Variants in SLX4IP observed in about 807,000 individuals in gnomAD.
SLX4IP encodes the protein protein SLX4IP.
In SLX4IP, 34 loss-of-function variants were observed where a neutral mutation model predicts 32.9. The observed-to-expected ratio is 1.03, with a 90% CI of 0.79 to 1.38. The LOEUF (loss-of-function observed/expected upper bound fraction) is 1.38, where lower values mean the gene tolerates loss of function less well. Ranked by LOEUF, SLX4IP falls within the 40% of genes most tolerant of loss-of-function variation. SLX4IP has a pLI of 0.00. For synonymous variants in SLX4IP, 172 were observed against 171.7 expected (o/e 1.00, Z -0.01); for missense variants, 444 against 479.0 (o/e 0.93, Z 0.68).
intron 2 of SLX4IP, among the ~76,000 whole-genome samples, chr20:10,555,579 A>G (rs2122495978): frequency 6.6e-6 from 1 of 152,352 alleles, no homozygotes; most frequent in Admixed American, 6.5e-5. Flanking sequence ...GCATATATAT[A>G]GAATATTTCC....
intron 2 of SLX4IP, among the ~76,000 whole-genome samples, chr20:10,550,086 T>C (rs1340238132): frequency 6.6e-6 from 1 of 152,214 alleles, no homozygotes; most frequent in Non-Finnish European, 1.5e-5. Context: ...CCTTCTCATC[T>C]TCTTGACTCT....
At chr20:10,530,219 A>G (rs963462525) in intron 2 of SLX4IP, among the ~76,000 whole-genome samples, 25 of 152,356 alleles carry the variant, frequency 1.6e-4, no homozygotes, top group African/African-American at 6.0e-4. Flanking sequence ...TTTGAAGCAC[A>G]GTAATACACT....
intron 2 of SLX4IP, among the ~76,000 whole-genome samples, chr20:10,488,967 T>C (rs2065597050): frequency 6.6e-6 from 1 of 152,154 alleles, no homozygotes; most frequent in Admixed American, 6.6e-5. Context: ...TCTGCTGGTT[T>C]GGGGTTAGCA....
intron 4 of SLX4IP, among the ~76,000 whole-genome samples, chr20:10,589,602 G>A (rs970796356): frequency 1.3e-5 from 2 of 152,130 alleles, no homozygotes; most frequent in Admixed American, 6.6e-5. Flanking sequence ...GGGATCAGTG[G>A]GGATCTTCTG....
intron 2 of SLX4IP, among the ~76,000 whole-genome samples, chr20:10,483,547 C>T (rs1177973425): frequency 6.6e-6 from 1 of 151,956 alleles, no homozygotes; most frequent in African/African-American, 2.4e-5. Context: ...TGAAGAATTC[C>T]TCATGAATGT....
chr20:10,462,817 A>G (rs1289222827), intron 2 of SLX4IP, among the ~76,000 whole-genome samples: 1 of 152,218 alleles, frequency 6.6e-6, no homozygotes, highest in Non-Finnish European at 1.5e-5. Context: ...TTTCTTCCCC[A>G]TCATGGAGGG....
intron 4 of SLX4IP, among the ~76,000 whole-genome samples, chr20:10,577,927 A>G (rs1372707211): frequency 6.6e-6 from 1 of 152,216 alleles, no homozygotes; most frequent in East Asian, 1.9e-4. Flanking sequence ...TGGAATAATT[A>G]TATATCTCGT....
At chr20:10,450,925 T>G (rs1393128687) in intron 1 of SLX4IP, among the ~76,000 whole-genome samples, 2 of 151,892 alleles carry the variant, frequency 1.3e-5, no homozygotes, top group African/African-American at 2.4e-5. Flanking sequence ...GTAATTTTTT[T>G]GGGTTTTTAG....
intron 2 of SLX4IP, among the ~76,000 whole-genome samples, chr20:10,543,442 G>A (rs1007147781): frequency 6.6e-6 from 1 of 152,182 alleles, no homozygotes; most frequent in Non-Finnish European, 1.5e-5. Context: ...AAGACTAGGA[G>A]CTCTCAGCAT....
intron 6 of SLX4IP, among the ~76,000 whole-genome samples, chr20:10,602,340 C>T (rs539969805): frequency 5.3e-4 from 81 of 152,164 alleles, no homozygotes; most frequent in Non-Finnish European, 9.7e-4. Flanking sequence ...CTGTCTCCTT[C>T]TCTGTCTCCC....
At chr20:10,528,407 G>A (rs1374400298) in intron 2 of SLX4IP, among the ~76,000 whole-genome samples, 1 of 152,094 alleles carries the variant, frequency 6.6e-6, no homozygotes, top group African/African-American at 2.4e-5. Flanking sequence ...ACCTTTCACA[G>A]TCTTTCATCC....
At chr20:10,518,404 T>TTCCTTCCTTCCTTCCTTCC (rs1568719908) in intron 2 of SLX4IP, among the ~76,000 whole-genome samples, 13 of 92,422 alleles carry the variant, frequency 1.4e-4, no homozygotes, top group African/African-American at 5.9e-4. Flanking sequence ...TCTTTCTTTC[T>TTCCTTCCTTCCTTCCTTCC]TTCCTTCCTT....
intron 2 of SLX4IP, among the ~76,000 whole-genome samples, chr20:10,527,891 A>T (rs1388767069): frequency 6.6e-6 from 1 of 152,106 alleles, no homozygotes; most frequent in African/African-American, 2.4e-5. Flanking sequence ...TTTGCATTCC[A>T]TCCTGCTTTT....
intron 1 of SLX4IP, among the ~76,000 whole-genome samples, chr20:10,439,129 T>C (rs2065140345): frequency 6.6e-6 from 1 of 152,236 alleles, no homozygotes; most frequent in African/African-American, 2.4e-5. Context: ...CACCAATTGA[T>C]GGACATTTGG....
chr20:10,560,848 CA>C (rs1171392614), intron 4 of SLX4IP, 28 bp downstream of exon 4: 7 of 1,537,700 alleles, frequency 4.6e-6, no homozygotes, highest in Non-Finnish European at 6.1e-6. Flanking sequence ...TGATTTTGGA[CA>C]AAAAATAAAT....
At chr20:10,510,317 G>C (rs1446831609) in intron 2 of SLX4IP, among the ~76,000 whole-genome samples, 1 of 152,140 alleles carries the variant, frequency 6.6e-6, no homozygotes, top group East Asian at 1.9e-4. Flanking sequence ...TTTGTATTCA[G>C]ACTGAACAAA....
At chr20:10,450,122 A>G (rs539430045) in intron 1 of SLX4IP, among the ~76,000 whole-genome samples, 3 of 152,296 alleles carry the variant, frequency 2.0e-5, no homozygotes, top group East Asian at 3.9e-4. Context: ...CACGTGGTCT[A>G]TCTGTCCTTC....
At chr20:10,551,960 T>TACTTCCAAGTGGGAGAAGTA (rs2066222476) in intron 2 of SLX4IP, among the ~76,000 whole-genome samples, 2 of 152,202 alleles carry the variant, frequency 1.3e-5, no homozygotes, top group African/African-American at 4.8e-5. Flanking sequence ...GTGACTGTAA[T>TACTTCCAAGTGGGAGAAGTA]CTTCCAAGTG....
At chr20:10,548,659 G>A (rs1003598953) in intron 2 of SLX4IP, among the ~76,000 whole-genome samples, 41 of 152,154 alleles carry the variant, frequency 2.7e-4, no homozygotes, top group Non-Finnish European at 8.8e-5. Flanking sequence ...GCAAGGCACC[G>A]CACCAAACAA....
Sources: gnomAD v4.1 joint callset for allele counts (sites outside exome capture counted in the v4.1 genomes callset) on GRCh38, gnomAD v4.1.1 for gene constraint, MANE v1.5 for transcripts, NCBI Gene and HGNC (gene_info 2026-07-23, HGNC 2026-07-21) for gene names.